The following MICAL2 variants were observed in gnomAD, a reference collection of about 807,000 sequenced individuals.
MICAL2 encodes the protein [F-actin]-monooxygenase MICAL2.
Under a neutral mutation model 127.3 loss-of-function variants are expected in MICAL2, and 77 were observed. The observed-to-expected ratio is 0.60, with a 90% confidence interval of 0.50 to 0.73. MICAL2 has a LOEUF of 0.73. Among genes scored for constraint, MICAL2 ranks in the 30% least tolerant of loss-of-function variants. The probability of loss-of-function intolerance (pLI) is 0.00; values close to 1 mark genes in which losing one functional copy is unlikely to be tolerated. For missense variants in MICAL2, 1,351 were observed against 1,434.4 expected (o/e 0.94, Z 0.94); for synonymous variants, 570 against 551.1 (o/e 1.03, Z -0.48).
intron 8 of MICAL2, among the ~76,000 whole-genome samples, chr11:12,218,157 C>T (rs1272025254): frequency 6.6e-6 from 1 of 152,198 alleles, no homozygotes; most frequent in African/African-American, 2.4e-5. Context: ...TCCATGGCTA[C>T]CGAAGGAAGA....
Position 12,221,665 on chromosome 11 carries a change from G to A in MICAL2, c.1228G>A (p.Gly410Ser), listed in dbSNP as rs1856832631. ...LLEPFWPMGT[G>S]CARGFLAAFD... ...GCAGCCATTTTGGCCCATGGGTACAGGCTGTGCCCGTGGCTTCCTGGCAGC... is the reference window on the plus strand; with the variant it reads ...GCAGCCATTTTGGCCCATGGGTACAAGCTGTGCCCGTGGCTTCCTGGCAGC... Residue 410 changes from glycine to serine, a missense_variant, in exon 10 of 28, where the codon GGC becomes AGC. Coordinates refer to ENST00000683283, the MANE Select transcript of MICAL2 (RefSeq NM_001282663.2). 6.2e-7 allele frequency: 1 copy of A among 1,613,740 alleles called. No homozygotes were observed. Among genetic ancestry groups the A allele is most frequent in the Non-Finnish European group, 8.5e-7 (1 of 1,179,784 alleles).
chr11:12,204,964 C>T (rs1341890125), intron 4 of MICAL2, among the ~76,000 whole-genome samples: 1 of 152,098 alleles, frequency 6.6e-6, no homozygotes, highest in Non-Finnish European at 1.5e-5. Context: ...CATTGTGCAT[C>T]GTGCTGGTGT....
chr11:12,137,314 C>T (rs1271769466), intron 1 of MICAL2, among the ~76,000 whole-genome samples: 1 of 152,170 alleles, frequency 6.6e-6, no homozygotes, highest in South Asian at 2.1e-4. Flanking sequence ...ATGTCCAGTA[C>T]ACCTTTCCCT....
At chr11:12,117,776 G>A (rs1217450052) in intron 1 of MICAL2, among the ~76,000 whole-genome samples, 1 of 152,206 alleles carries the variant, frequency 6.6e-6, no homozygotes, top group African/African-American at 2.4e-5. Flanking sequence ...ACAATCTGAT[G>A]CAAAGGTAGT....
chr11:12,127,293 T>A (rs1564996865), intron 1 of MICAL2, among the ~76,000 whole-genome samples: 1 of 152,186 alleles, frequency 6.6e-6, no homozygotes, highest in Non-Finnish European at 1.5e-5. Context: ...TTCTTAGGCA[T>A]TTTACATGTC....
intron 3 of MICAL2, among the ~76,000 whole-genome samples, chr11:12,167,582 C>G (rs1002397958): frequency 6.6e-6 from 1 of 152,174 alleles, no homozygotes; most frequent in South Asian, 2.1e-4. Context: ...CTGGCTCAGA[C>G]ACTTCAAGGG....
At chr11:12,262,433 C>CTTTT in intron 26 of MICAL2, 47 bp from the exon 27 acceptor site, 1 of 1,611,752 alleles carries the variant, frequency 6.2e-7, no homozygotes, top group Non-Finnish European at 8.5e-7. Flanking sequence ...ACTAAGCTCT[C>CTTTT]TTTTCTATCT....
In MICAL2 at chr11:12,262,470, T is replaced by C. The variant is rs1395213157; in HGVS notation, c.3335-10T>C. 6.2e-7 allele frequency: 1 copy of C among 1,613,690 alleles called. No individual in the cohort carries two copies. Among genetic ancestry groups the C allele is most frequent in the East Asian group, 2.2e-5 (1 of 44,894 alleles). ...TCTCTCTCTTTCCAATCTTACGCCA[T>C]GGCCATCAGTTCATTTCAGCCTTCC... On this transcript the variant is annotated splice_polypyrimidine_tract_variant and intron_variant, in intron 26 of 27. Transcript: ENST00000683283.
intron 1 of MICAL2, chr11:12,276,326 G>T (rs1863721973): frequency 2.5e-6 from 1 of 396,652 alleles, no homozygotes; most frequent in Non-Finnish European, 4.4e-6. Flanking sequence ...CATCTCAGAG[G>T]GAGTGGTAAG....
intron 24 of MICAL2, among the ~76,000 whole-genome samples, chr11:12,270,853 G>A (rs1486586666): frequency 6.6e-6 from 1 of 152,210 alleles, no homozygotes; most frequent in East Asian, 1.9e-4. Flanking sequence ...GGCCTGTTGC[G>A]TTGTCATCTC....
intron 3 of MICAL2, among the ~76,000 whole-genome samples, chr11:12,170,919 T>A (rs1856168741): frequency 8.5e-5 from 13 of 152,366 alleles, no homozygotes; most frequent in African/African-American, 3.1e-4. Flanking sequence ...ACAGGGAAGA[T>A]GCACAGGGAT....
At chr11:12,208,298 G>A (rs1854988398) in intron 5 of MICAL2, 159 bp downstream of exon 5, 1 of 586,948 alleles carries the variant, frequency 1.7e-6, no homozygotes, top group Admixed American at 3.1e-5. Context: ...TTTTACCATT[G>A]CTATGACTTT....
rs1345174528 is a variant in MICAL2 at position 12,220,345 on chromosome 11, G to C, written c.1093G>C (p.Asp365His). The C allele has an allele frequency of 1.2e-6, 2 of 1,614,134 alleles. No homozygotes were observed. The highest frequency in any genetic ancestry group is 2.2e-5 in the East Asian group (1 of 44,898). The change falls in exon 9 of 28, where the codon GAT (aspartate) becomes CAT (histidine). Residue 365 changes from aspartate to histidine, a missense_variant. Physicochemically the swap from Asp to His is moderately conservative, Grantham distance 81. This residue lies in a region of MICAL2 where 599 missense variants were observed against 714.9 expected (regional missense o/e 0.84). Coordinates refer to ENST00000683283, the MANE Select transcript of MICAL2 (RefSeq NM_001282663.2). ...DFAMNHYGQP[D>H]VAMFDFTCMY... ...TGCCATGAACCACTATGGGCAGCCT[G>C]ATGTGGCCATGTTTGACTTTACCTG...
chr11:12,113,360 AC>A (rs1203674400), intron 1 of MICAL2, among the ~76,000 whole-genome samples: 2 of 152,234 alleles, frequency 1.3e-5, no homozygotes, highest in Middle Eastern at 3.2e-3. Context: ...ACCTTGGGCA[AC>A]GTAGCAAGAC....
At chr11:12,162,845 G>A (rs974366371) in intron 3 of MICAL2, among the ~76,000 whole-genome samples, 5 of 152,194 alleles carry the variant, frequency 3.3e-5, no homozygotes, top group African/African-American at 4.8e-5. Flanking sequence ...TTGTGCCCAA[G>A]GTCACACAAC....
intron 34 of MICAL2, among the ~76,000 whole-genome samples, chr11:12,357,019 G>A (rs1025402556): frequency 1.1e-4 from 16 of 152,216 alleles, no homozygotes; most frequent in Admixed American, 3.3e-4. Flanking sequence ...TGGAGAGACC[G>A]AGCATGGGGC....
intron 1 of MICAL2, among the ~76,000 whole-genome samples, chr11:12,131,417 T>C (rs186109486): frequency 6.6e-6 from 1 of 151,754 alleles, no homozygotes; most frequent in Non-Finnish European, 1.5e-5. Flanking sequence ...CTGGCTGGTC[T>C]CCTCTCCTCT....
chr11:12,134,215 A>G (rs1851655897), intron 1 of MICAL2, among the ~76,000 whole-genome samples: 1 of 152,220 alleles, frequency 6.6e-6, no homozygotes, highest in African/African-American at 2.4e-5. Flanking sequence ...AAGTACTCAA[A>G]CAAGGCAAGT....
At chr11:12,115,556 C>A (rs1446163294) in intron 1 of MICAL2, among the ~76,000 whole-genome samples, 1 of 152,122 alleles carries the variant, frequency 6.6e-6, no homozygotes, top group African/African-American at 2.4e-5. Context: ...TGAGCTCAAG[C>A]AACTCATCTG....
Sources: gnomAD v4.1 joint callset for allele counts (sites outside exome capture counted in the v4.1 genomes callset) on GRCh38, gnomAD v4.1.1 for gene constraint, gnomAD v4.1.1 regional missense constraint, MANE v1.5 for transcripts, NCBI Gene and HGNC (gene_info 2026-07-23, HGNC 2026-07-21) for gene names.